Variants in ARHGAP15 observed in about 807,000 individuals in gnomAD.
ARHGAP15 encodes the protein rho GTPase-activating protein 15.
A neutral mutation model predicts 63.7 loss-of-function variants in ARHGAP15; 51 were observed. The ratio of observed to expected loss-of-function variants is 0.80; its 90% confidence interval spans 0.64 to 1.01. ARHGAP15 has a LOEUF of 1.01. Ranked by LOEUF, ARHGAP15 falls within the 50% of genes least tolerant of loss-of-function variation. The probability of loss-of-function intolerance (pLI) is 0.00; values close to 1 mark genes in which losing one functional copy is unlikely to be tolerated. For missense variants in ARHGAP15, 560 were observed against 564.6 expected (o/e 0.99, Z 0.08); for synonymous variants, 191 against 193.8 (o/e 0.99, Z 0.12).
intron 6 of ARHGAP15, among the ~76,000 whole-genome samples, chr2:143,331,984 T>C (rs1574289075): frequency 6.6e-6 from 1 of 152,160 alleles, no homozygotes; most frequent in Non-Finnish European, 1.5e-5. Context: ...TTTTTCAAAT[T>C]GTTTCTTGTC....
At chr2:143,386,054 G>C (rs1687274759) in intron 6 of ARHGAP15, among the ~76,000 whole-genome samples, 1 of 152,064 alleles carries the variant, frequency 6.6e-6, no homozygotes, top group Admixed American at 6.6e-5. Context: ...TCCAGTTTAT[G>C]GCCAAGCATA....
intron 3 of ARHGAP15, among the ~76,000 whole-genome samples, chr2:143,211,983 C>T (rs1025358132): frequency 6.6e-6 from 1 of 152,116 alleles, no homozygotes; most frequent in African/African-American, 2.4e-5. Flanking sequence ...TGTTAAAAGC[C>T]AAACCCTTCT....
chr2:143,707,244 T>C (rs1684369972), intron 13 of ARHGAP15, among the ~76,000 whole-genome samples: 1 of 152,040 alleles, frequency 6.6e-6, no homozygotes, highest in African/African-American at 2.4e-5. Flanking sequence ...AGGAAAGAAA[T>C]GGCCAAAATC....
intron 6 of ARHGAP15, among the ~76,000 whole-genome samples, chr2:143,309,827 C>T (rs1683353711): frequency 6.6e-6 from 1 of 151,488 alleles, no homozygotes; most frequent in Non-Finnish European, 1.5e-5. Context: ...TATCTCCAAA[C>T]ATTTAGACCC....
chr2:143,429,587 A>T (rs976445502), intron 6 of ARHGAP15, among the ~76,000 whole-genome samples: 3 of 152,138 alleles, frequency 2.0e-5, no homozygotes, highest in African/African-American at 7.2e-5. Flanking sequence ...ATAAATGTAC[A>T]TGCAAATCAA....
At chr2:143,666,685 A>C (rs1262619751) in intron 12 of ARHGAP15, among the ~76,000 whole-genome samples, 1 of 122,368 alleles carries the variant, frequency 8.2e-6, no homozygotes, top group African/African-American at 3.0e-5. Flanking sequence ...CAAAGGGCTA[A>C]TATCCAGAAT....
intron 6 of ARHGAP15, among the ~76,000 whole-genome samples, chr2:143,273,898 C>CT (rs1024232565): frequency 6.6e-6 from 1 of 151,802 alleles, no homozygotes; most frequent in African/African-American, 2.4e-5. Flanking sequence ...GAGTTCAAAT[C>CT]TTTTTTAATG....
intron 4 of ARHGAP15, among the ~76,000 whole-genome samples, chr2:143,225,323 C>T (rs1220306817): frequency 6.6e-6 from 1 of 152,066 alleles, no homozygotes; most frequent in East Asian, 1.9e-4. Flanking sequence ...AAACAGCGGC[C>T]GGGCGCGGTG....
chr2:143,487,448 C>A lies in ARHGAP15; in HGVS notation c.779C>A (p.Thr260Asn), dbSNP rs753918703. 6.2e-7 allele frequency: 1 copy of A among 1,613,610 alleles called. No individual in the cohort carries two copies. Among genetic ancestry groups the A allele is most frequent in the South Asian group, 1.1e-5 (1 of 91,010 alleles). Reference protein sequence around the residue: ...RVKSRLKKFITRRPSLKTLQE... With the variant: ...RVKSRLKKFINRRPSLKTLQE... ...AAAAGCAGATTAAAGAAGTTTATTA[C>A]CCGAAGACCTTCCCTGAAAACTCTG... The change falls in exon 9 of 14, where the codon ACC becomes AAC. Residue 260 changes from threonine (T) to asparagine (N), a missense_variant. Physicochemically the swap from Thr to Asn is moderately conservative, Grantham distance 65 (BLOSUM62 0). Coordinates refer to ENST00000295095, the MANE Select transcript of ARHGAP15 (RefSeq NM_018460.4).
intron 8 of ARHGAP15, 113 bp downstream of exon 8, chr2:143,437,155 C>T (rs375377060): frequency 3.2e-6 from 4 of 1,245,082 alleles, no homozygotes; most frequent in Non-Finnish European, 4.4e-6. Flanking sequence ...ATGGAAGATT[C>T]GTAGCCATTT....
At chr2:143,619,436 T>C (rs1033611640) in intron 11 of ARHGAP15, among the ~76,000 whole-genome samples, 1 of 152,200 alleles carries the variant, frequency 6.6e-6, no homozygotes, top group African/African-American at 2.4e-5. Context: ...TTAACCTATC[T>C]TTAATTCTGT....
At chr2:143,415,479 A>G (rs1688635651) in intron 6 of ARHGAP15, among the ~76,000 whole-genome samples, 1 of 152,196 alleles carries the variant, frequency 6.6e-6, no homozygotes, top group South Asian at 2.1e-4. Context: ...TTAAAGGCAA[A>G]TAATTAAAAT....
chr2:143,318,482 C>T (rs1683830747), intron 6 of ARHGAP15, among the ~76,000 whole-genome samples: 1 of 141,838 alleles, frequency 7.1e-6, no homozygotes, highest in South Asian at 2.2e-4. Context: ...TTAGAAAAAG[C>T]CATCACTTCA....
At chr2:143,215,334 AG>A (rs1175159589) in intron 3 of ARHGAP15, among the ~76,000 whole-genome samples, 2 of 152,182 alleles carry the variant, frequency 1.3e-5, no homozygotes, top group Non-Finnish European at 2.9e-5. Context: ...TCAAACTCCT[AG>A]GACCAACAGA....
intron 1 of ARHGAP15, among the ~76,000 whole-genome samples, chr2:143,141,296 C>G (rs146272269): frequency 6.6e-6 from 1 of 151,964 alleles, no homozygotes. Flanking sequence ...AATGAATATA[C>G]CAATTTCAGT....
At chr2:143,295,453 A>G (rs1682593975) in intron 6 of ARHGAP15, 1 of 152,028 alleles carries the variant, frequency 6.6e-6, no homozygotes, top group Admixed American at 6.6e-5. Context: ...AAATGGTAGG[A>G]AAGAACAGTC....
At chr2:143,575,674 C>T (rs547057627) in intron 11 of ARHGAP15, among the ~76,000 whole-genome samples, 15 of 152,144 alleles carry the variant, frequency 9.9e-5, no homozygotes, top group East Asian at 5.8e-4. Flanking sequence ...CTCTTCTTAG[C>T]GACACATTTT....
chr2:143,155,887 C>A (rs1690059637), intron 2 of ARHGAP15, among the ~76,000 whole-genome samples: 1 of 151,766 alleles, frequency 6.6e-6, no homozygotes, highest in South Asian at 2.1e-4. Flanking sequence ...GACTGAAGAG[C>A]ACCTTTGACT....
chr2:143,708,590 G>C (rs1684435130), intron 13 of ARHGAP15, among the ~76,000 whole-genome samples: 1 of 151,824 alleles, frequency 6.6e-6, no homozygotes, highest in Non-Finnish European at 1.5e-5. Flanking sequence ...CACCCTGTCA[G>C]CCTGGCTGGC....
Sources: allele counts gnomAD v4.1 joint callset (sites outside exome capture counted in the v4.1 genomes callset), GRCh38; gene constraint gnomAD v4.1.1; transcripts MANE v1.5; gene names NCBI Gene and HGNC (gene_info 2026-07-23, HGNC 2026-07-21).